RYR3: variants seen among roughly 807,000 people sequenced by gnomAD.
The protein encoded by RYR3 is ryanodine receptor 3.
A neutral mutation model predicts 584.3 loss-of-function variants in RYR3; 207 were observed. That is an observed-to-expected ratio of 0.35 (90% CI 0.32 to 0.40). The LOEUF (loss-of-function observed/expected upper bound fraction) is 0.40, where lower values mean the gene tolerates loss of function less well. Ranked by LOEUF, RYR3 falls within the 10% of genes least tolerant of loss-of-function variation. The pLI, the probability that RYR3 is intolerant of heterozygous loss-of-function variation, is 1.00. For synonymous variants in RYR3, 2,416 were observed against 2,248.5 expected, an observed-to-expected ratio of 1.07 and a Z score of -2.11; for missense variants, 5,616 against 6,089.2, an observed-to-expected ratio of 0.92 and a Z score of 2.59.
intron 1 of RYR3, among the ~76,000 whole-genome samples, chr15:33,347,891 G>T (rs1972674968): frequency 1.3e-5 from 2 of 151,882 alleles, no homozygotes; most frequent in African/African-American, 4.8e-5. Flanking sequence ...TCCTTTCATT[G>T]GAGAGTGATA....
chr15:33,818,757 C>T (rs978093952), intron 76 of RYR3, 73 bp downstream of exon 76: 17 of 1,075,532 alleles, frequency 1.6e-5, no homozygotes, highest in Admixed American at 6.2e-5. Flanking sequence ...CTTCTTCTCT[C>T]AGACGGCAGT....
Position 33,818,647 on chromosome 15 carries a change from A to ATTTTATT in RYR3, c.10671_10672insTTATTTT (p.Tyr3559PhefsTer5). On this transcript the variant is annotated frameshift_variant, in exon 76 of 104. Coordinates refer to ENST00000634891, the MANE Select transcript of RYR3 (RefSeq NM_001036.6). LOFTEE classifies it high-confidence loss of function. ...ACAACCTGACCCACTACATCAGATCATTCTCTATTTTAGCCGCAACGCTCT... is the reference window on the plus strand; with the variant it reads ...ACAACCTGACCCACTACATCAGATCATTTTATTTTCTCTATTTTAGCCGCAACGCTCT... 6.2e-7 allele frequency: 1 copy of ATTTTATT among 1,613,616 alleles called. No individual in the cohort carries two copies. The highest frequency in any genetic ancestry group is 8.5e-7 in the Non-Finnish European group (1 of 1,179,556).
At chr15:33,842,727 G>A (rs960090939) in intron 91 of RYR3, among the ~76,000 whole-genome samples, 5 of 152,218 alleles carry the variant, frequency 3.3e-5, no homozygotes, top group African/African-American at 1.2e-4. Context: ...AAGGAATGAG[G>A]ACTGAGGCCA....
intron 1 of RYR3, among the ~76,000 whole-genome samples, chr15:33,346,984 C>T (rs937557244): frequency 6.6e-6 from 1 of 152,100 alleles, no homozygotes; most frequent in Admixed American, 6.6e-5. Context: ...GACAGACATG[C>T]ATCTGGTGTT....
rs1183496094 is a variant in RYR3 at position 33,449,038 on chromosome 15, GTAAT to G, written c.52-24375_52-24372del. Among the ~76,000 whole-genome samples the G allele has an allele frequency of 3.9e-5, 6 of 152,340 alleles. No individual in the cohort carries two copies. The East Asian group carries it at 7.7e-4, about 20-fold the overall frequency. ...CTACTCAAAACTTGTGGCAGAGAGAGTAATTAATTGTCTATTGCTGAGTGGCAAG... is the reference window on the plus strand; with the variant it reads ...CTACTCAAAACTTGTGGCAGAGAGAGTAATTGTCTATTGCTGAGTGGCAAG... On this transcript the variant is annotated intron_variant, in intron 1 of 103. Coordinates refer to ENST00000634891, the MANE Select transcript of RYR3 (RefSeq NM_001036.6).
chr15:33,778,829 T>C (rs2074196591), intron 64 of RYR3, among the ~76,000 whole-genome samples: 2 of 152,194 alleles, frequency 1.3e-5, no homozygotes, highest in Admixed American at 1.3e-4. Flanking sequence ...TAAGAAGAGA[T>C]TGCCTGACTG....
intron 1 of RYR3, among the ~76,000 whole-genome samples, chr15:33,422,433 T>A (rs1314050974): frequency 2.6e-5 from 4 of 152,150 alleles, no homozygotes; most frequent in Non-Finnish European, 1.5e-5. Flanking sequence ...CTTAATAAAG[T>A]AACAGTGTAG....
chr15:33,779,514 C>A (rs764833118), intron 64 of RYR3, among the ~76,000 whole-genome samples: 3 of 152,076 alleles, frequency 2.0e-5, no homozygotes, highest in East Asian at 1.9e-4. Flanking sequence ...TGGTGTGCTA[C>A]CTACTGTTCC....
chr15:33,465,539 C>T lies in RYR3; in HGVS notation c.52-7880C>T, dbSNP rs76528668. 5.9e-3 allele frequency among the ~76,000 whole-genome samples: 892 copies of T among 152,100 alleles called. 20 individuals are homozygous for T. The East Asian group carries it at 0.077, about 13-fold the overall frequency. ...GTTTTGCTTTGCGTTTCAAGATGGG[C>T]GTTTTTTAGGACCTTGTAGGCCATA... On this transcript the variant is annotated intron_variant, in intron 1 of 103. Coordinates refer to ENST00000634891, the MANE Select transcript of RYR3 (RefSeq NM_001036.6).
intron 2 of RYR3, among the ~76,000 whole-genome samples, chr15:33,484,410 T>C (rs575787175): frequency 1.1e-4 from 16 of 152,252 alleles, no homozygotes; most frequent in African/African-American, 3.4e-4. Flanking sequence ...TCCTCTCTAA[T>C]AGATGGCACT....
chr15:33,862,803 G>A (rs1194348685), intron 102 of RYR3, among the ~76,000 whole-genome samples: 1 of 152,092 alleles, frequency 6.6e-6, no homozygotes, highest in Non-Finnish European at 1.5e-5. Flanking sequence ...TAGAGACAGG[G>A]TTTCACCGTG....
intron 1 of RYR3, among the ~76,000 whole-genome samples, chr15:33,439,492 A>AT (rs953030188): frequency 1.3e-5 from 2 of 151,970 alleles, no homozygotes; most frequent in African/African-American, 2.4e-5. Context: ...ATTTGCCATC[A>AT]TTTTTTTAAA....
At chr15:33,429,858 T>A (rs947497456) in intron 1 of RYR3, among the ~76,000 whole-genome samples, 1 of 152,252 alleles carries the variant, frequency 6.6e-6, no homozygotes, top group African/African-American at 2.4e-5. Context: ...TAAACAAGAT[T>A]TCTTTTCAAA....
At chr15:33,851,424 C>G (rs1040784109) in intron 94 of RYR3, 8 of 152,090 alleles carry the variant, frequency 5.3e-5, no homozygotes, top group Middle Eastern at 3.4e-3. Context: ...TTGTATGTTT[C>G]CCTGATTACT....
At position 33,623,996 on chromosome 15, in the gene RYR3, C is replaced by T. The variant is rs759679405; in HGVS notation, c.2547C>T (p.Phe849=). The T allele has an allele frequency of 2.5e-6, 4 of 1,613,796 alleles. No individual in the cohort carries two copies. In the African/African-American group the frequency reaches 5.3e-5, roughly 22 times the overall value. Residue 849 remains phenylalanine (F), a synonymous_variant, in exon 20 of 104, where the codon TTC becomes TTT. Coordinates refer to ENST00000634891, the MANE Select transcript of RYR3 (RefSeq NM_001036.6). ...CCCAGTTCCTCTCCCAAGCCTCTTT[C>T]ATCCCATGCCCCGTAGACACCAGTC... is the stretch of plus-strand genomic sequence containing the variant. ...GTTQFLSQAS[F]IPCPVDTSQV... is the part of the protein sequence containing the mutation.
chr15:33,340,010 CTT>C (rs1167694721), intron 1 of RYR3, among the ~76,000 whole-genome samples: 6 of 152,186 alleles, frequency 3.9e-5, no homozygotes, highest in Non-Finnish European at 8.8e-5. Flanking sequence ...ATATGAGACA[CTT>C]TTGTCCAGGG....
At chr15:33,729,426 T>C (rs978270787) in intron 47 of RYR3, among the ~76,000 whole-genome samples, 1 of 152,092 alleles carries the variant, frequency 6.6e-6, no homozygotes, top group Non-Finnish European at 1.5e-5. Flanking sequence ...AATCACCCTC[T>C]GGTGAGACCG....
intron 36 of RYR3, among the ~76,000 whole-genome samples, chr15:33,664,614 T>TATATATATATATATATAC (rs1491296584): frequency 0.013 from 1,619 of 119,932 alleles, 34 homozygotes; most frequent in Middle Eastern, 0.041. Context: ...TATATATATA[T>TATATATATATATATATAC]ACGTATGTAT....
intron 1 of RYR3, among the ~76,000 whole-genome samples, chr15:33,382,003 G>A (rs1260873453): frequency 1.3e-5 from 2 of 152,094 alleles, no homozygotes; most frequent in Admixed American, 6.5e-5. Context: ...GGAATCAAGC[G>A]AGTTCAGAAG....
Sources: gnomAD v4.1 joint callset for allele counts (sites outside exome capture counted in the v4.1 genomes callset) on GRCh38, gnomAD v4.1.1 for gene constraint, MANE v1.5 for transcripts, NCBI Gene and HGNC (gene_info 2026-07-23, HGNC 2026-07-21) for gene names.